The following ADAMTS17 variants were observed in gnomAD, a reference collection of about 807,000 sequenced individuals.
ADAMTS17 encodes ADAM metallopeptidase with thrombospondin type 1 motif 17, also known as A disintegrin and metalloproteinase with thrombospondin motifs 17.
ADAMTS17 carries 113 observed loss-of-function variants against 141.5 expected under a neutral mutation model. The ratio of observed to expected loss-of-function variants is 0.80; its 90% CI spans 0.69 to 0.93. The LOEUF (loss-of-function observed/expected upper bound fraction) is 0.93. Ranked by LOEUF, ADAMTS17 falls within the 40% of genes least tolerant of loss-of-function variation. ADAMTS17 has a pLI of 0.00. For missense variants in ADAMTS17, 1,659 were observed against 1,517.9 expected, an observed-to-expected ratio of 1.09 and a Z score of -1.54; for synonymous variants, 768 against 630.6, an observed-to-expected ratio of 1.22 and a Z score of -3.27.
chr15:100,118,810 G>A (rs555764582), intron 12 of ADAMTS17, among the ~76,000 whole-genome samples: 17 of 152,272 alleles, frequency 1.1e-4, no homozygotes, highest in South Asian at 8.3e-4. Flanking sequence ...AGCGGGCACC[G>A]GAGAAGGAAC....
chr15:100,236,414 C>G (rs1436334848), intron 7 of ADAMTS17, among the ~76,000 whole-genome samples: 2 of 152,104 alleles, frequency 1.3e-5, no homozygotes, highest in Non-Finnish European at 2.9e-5. Context: ...ATGCAAACAT[C>G]TGGGGTGAGG....
chr15:100,134,774 G>T (rs566689553), intron 10 of ADAMTS17, among the ~76,000 whole-genome samples: 92 of 152,318 alleles, frequency 6.0e-4, no homozygotes, highest in Admixed American at 1.5e-3. Flanking sequence ...CATTTTTCAC[G>T]TATGTCGGAG....
At chr15:100,278,035 T>C (rs1490933539) in intron 4 of ADAMTS17, among the ~76,000 whole-genome samples, 1 of 152,162 alleles carries the variant, frequency 6.6e-6, no homozygotes, top group Non-Finnish European at 1.5e-5. Flanking sequence ...AATAAGCCAT[T>C]TGTCCACAAA....
At chr15:100,242,590 C>T (rs1272732793) in intron 7 of ADAMTS17, among the ~76,000 whole-genome samples, 2 of 152,166 alleles carry the variant, frequency 1.3e-5, no homozygotes, top group East Asian at 1.9e-4. Flanking sequence ...CCATCCTAGG[C>T]GGTACCTCTC....
intron 8 of ADAMTS17, among the ~76,000 whole-genome samples, chr15:100,167,900 A>G (rs116780614): frequency 0.014 from 2,067 of 152,324 alleles, 41 homozygotes; most frequent in African/African-American, 0.047. Flanking sequence ...GCACGTGATG[A>G]ATGTCACAGG....
At chr15:100,262,573 T>C in intron 4 of ADAMTS17, 138 bp from the exon 5 acceptor site, 2 of 618,218 alleles carry the variant, frequency 3.2e-6, no homozygotes, top group Middle Eastern at 4.6e-4. Flanking sequence ...TAGACTTTAG[T>C]TTATAACACT....
intron 20 of ADAMTS17, among the ~76,000 whole-genome samples, chr15:99,983,929 T>TCC (rs1345146378): frequency 6.6e-6 from 1 of 152,116 alleles, no homozygotes; most frequent in Non-Finnish European, 1.5e-5. Flanking sequence ...AGCAGGTTTC[T>TCC]CCCCGAGACT....
chr15:100,135,324 C>A (rs1419296378), intron 10 of ADAMTS17, among the ~76,000 whole-genome samples: 1 of 151,168 alleles, frequency 6.6e-6, no homozygotes, highest in East Asian at 1.9e-4. Context: ...CGCTCTGTCG[C>A]CCAGGCTGGA....
At chr15:100,253,405 GGGGGAGGGGAAGGTAGA>G (rs2043215953) in intron 7 of ADAMTS17, among the ~76,000 whole-genome samples, 1 of 22,968 alleles carries the variant, frequency 4.4e-5, no homozygotes, top group African/African-American at 2.2e-4. Flanking sequence ...GGAAGGTAGA[GGGGGAGGGGAAGGTAGA>G]GGGGGAGGGG....
intron 7 of ADAMTS17, among the ~76,000 whole-genome samples, chr15:100,208,739 C>T (rs2041676281): frequency 7.2e-6 from 1 of 138,882 alleles, no homozygotes; most frequent in African/African-American, 2.7e-5. Context: ...AAGGGATACA[C>T]ACATGCATGT....
intron 3 of ADAMTS17, among the ~76,000 whole-genome samples, chr15:100,281,802 G>C (rs75172502): frequency 1.3e-5 from 2 of 152,222 alleles, no homozygotes; most frequent in African/African-American, 4.8e-5. Flanking sequence ...ACTGGACCAA[G>C]GAAGCTGGGC....
At position 100,144,884 on chromosome 15, in the gene ADAMTS17, C is replaced by T. The variant is rs561573454; in HGVS notation, c.1473+7728G>A. Among the ~76,000 whole-genome samples the T allele has an allele frequency of 8.6e-5, 13 of 151,922 alleles. No individual in the cohort carries two copies. The East Asian group carries it at 2.5e-3, about 30-fold the overall frequency. ...AGCTATTTTCCTTCAGAAGAGGCAG[C>T]AGCAAAATGAAAACTGCCCATCACT... On this transcript the variant is annotated intron_variant, in intron 10 of 21. Transcript: ENST00000268070.
chr15:100,037,652 G>A (rs545284759), intron 18 of ADAMTS17, among the ~76,000 whole-genome samples: 34 of 150,476 alleles, frequency 2.3e-4, no homozygotes, highest in South Asian at 8.5e-4. Flanking sequence ...CAGGAGATCC[G>A]TCTGCCTCGG....
At chr15:99,989,202 A>C (rs999695255) in intron 20 of ADAMTS17, among the ~76,000 whole-genome samples, 1 of 152,174 alleles carries the variant, frequency 6.6e-6, no homozygotes, top group South Asian at 2.1e-4. Flanking sequence ...TCTGTGCAGC[A>C]GGGGTGACAA....
At chr15:100,293,698 T>G (rs1314066514) in intron 3 of ADAMTS17, among the ~76,000 whole-genome samples, 1 of 152,016 alleles carries the variant, frequency 6.6e-6, no homozygotes, top group Non-Finnish European at 1.5e-5. Flanking sequence ...GCTATTACTG[T>G]GCACTTTGAG....
intron 7 of ADAMTS17, among the ~76,000 whole-genome samples, chr15:100,211,857 C>T (rs1429647560): frequency 6.6e-6 from 1 of 152,232 alleles, no homozygotes; most frequent in Middle Eastern, 3.4e-3. Context: ...AAGGTTATCA[C>T]AATTAAAGAC....
chr15:100,105,312 G>A (rs1020603350), intron 14 of ADAMTS17, among the ~76,000 whole-genome samples: 1 of 152,224 alleles, frequency 6.6e-6, no homozygotes, highest in Non-Finnish European at 1.5e-5. Flanking sequence ...CATGAAAGGT[G>A]CCTCCATCTG....
chr15:100,314,163 C>T (rs1373616083), intron 3 of ADAMTS17, among the ~76,000 whole-genome samples: 1 of 152,186 alleles, frequency 6.6e-6, no homozygotes, highest in African/African-American at 2.4e-5. Flanking sequence ...ATGTGAAGAT[C>T]AGGAAAGACA....
intron 3 of ADAMTS17, among the ~76,000 whole-genome samples, chr15:100,303,988 C>G (rs763043831): frequency 6.6e-6 from 1 of 152,150 alleles, no homozygotes; most frequent in Admixed American, 6.5e-5. Flanking sequence ...CCTCCCAAAG[C>G]GCTGGGATTA....
Sources: gnomAD v4.1 joint callset for allele counts (sites outside exome capture counted in the v4.1 genomes callset) on GRCh38, gnomAD v4.1.1 for gene constraint, MANE v1.5 for transcripts, NCBI Gene and HGNC (gene_info 2026-07-23, HGNC 2026-07-21) for gene names.